AHCTF1: variants seen among roughly 807,000 people sequenced by gnomAD.
AHCTF1 encodes AT-hook containing transcription factor 1, also known as protein ELYS.
A neutral mutation model predicts 248.4 loss-of-function variants in AHCTF1; 24 were observed. That is an observed-to-expected ratio of 0.10 (90% CI 0.07 to 0.14). The LOEUF (loss-of-function observed/expected upper bound fraction) is 0.14. Among genes scored for constraint, AHCTF1 ranks in the 10% least tolerant of loss-of-function variants. The pLI, the probability that AHCTF1 is intolerant of heterozygous loss-of-function variation, is 1.00. For synonymous variants in AHCTF1, 786 were observed against 929.8 expected, an observed-to-expected ratio of 0.85 and a Z score of 2.81; for missense variants, 2,206 against 2,636.2, an observed-to-expected ratio of 0.84 and a Z score of 3.57.
rs1663966138 is a variant in AHCTF1, at chr1:246,888,216, G to A, written c.2286C>T (p.Tyr762=). ...CTGCTTCAGTAACGCCGTCTAATAGGTACATATCAAGTACTGCCTATAAAA... is the reference window on the plus strand; with the variant it reads ...CTGCTTCAGTAACGCCGTCTAATAGATACATATCAAGTACTGCCTATAAAA... ...PASLHAVLDM[Y]LLDGVTEAAK... The change falls in exon 19 of 36, where the codon TAC becomes TAT. Residue 762 remains tyrosine (Y), a synonymous_variant. Transcript: ENST00000648844. 6.2e-7 allele frequency: 1 copy of A among 1,613,892 alleles called. No individual in the cohort carries two copies. Among genetic ancestry groups the A allele is most frequent in the Non-Finnish European group, 8.5e-7 (1 of 1,179,960 alleles).
At chr1:246,926,445 C>A (rs906847759) in intron 1 of AHCTF1, among the ~76,000 whole-genome samples, 3 of 151,986 alleles carry the variant, frequency 2.0e-5, no homozygotes, top group African/African-American at 7.2e-5. Flanking sequence ...CAAAGGAGTT[C>A]AAAAAAATGT....
chr1:246,909,508 G>A (rs1665651164), intron 4 of AHCTF1, among the ~76,000 whole-genome samples: 1 of 151,168 alleles, frequency 6.6e-6, no homozygotes, highest in African/African-American at 2.4e-5. Context: ...TATCCACACT[G>A]TATAAGCCAC....
chr1:246,924,678 C>T (rs1248212848), intron 1 of AHCTF1, among the ~76,000 whole-genome samples: 2 of 152,112 alleles, frequency 1.3e-5, no homozygotes, highest in African/African-American at 4.8e-5. Context: ...TATGAGTTAT[C>T]ATTTTCTGTT....
intron 24 of AHCTF1, among the ~76,000 whole-genome samples, chr1:246,870,556 T>C (rs144969316): frequency 5.8e-4 from 89 of 152,214 alleles, no homozygotes; most frequent in African/African-American, 2.0e-3. Flanking sequence ...AGTGTTGAAA[T>C]GATAAAGTGT....
intron 26 of AHCTF1, among the ~76,000 whole-genome samples, chr1:246,866,386 A>G (rs995380984): frequency 4.6e-5 from 7 of 152,196 alleles, no homozygotes; most frequent in African/African-American, 7.2e-5. Flanking sequence ...TTCATTTAAA[A>G]TATCTTCTTT....
At chr1:246,868,127 A>C (rs112496509) in intron 24 of AHCTF1, among the ~76,000 whole-genome samples, 146 of 142,940 alleles carry the variant, frequency 1.0e-3, no homozygotes, top group African/African-American at 3.9e-3. Context: ...AAGCCCGGCT[A>C]ATTTTTTTTT....
chr1:246,864,313 C>A (rs1035293391), intron 26 of AHCTF1, 197 bp from the exon 27 acceptor site: 40 of 517,174 alleles, frequency 7.7e-5, no homozygotes, highest in Admixed American at 1.5e-4. Flanking sequence ...GAATTAAGAA[C>A]TGCACATAGC....
At chr1:246,852,886 C>G (rs2103047359) in intron 32 of AHCTF1, among the ~76,000 whole-genome samples, 1 of 152,258 alleles carries the variant, frequency 6.6e-6, no homozygotes, top group South Asian at 2.1e-4. Context: ...CCACAGCACC[C>G]ACCTCCAAGG....
intron 24 of AHCTF1, among the ~76,000 whole-genome samples, chr1:246,869,125 G>A (rs571954819): frequency 5.9e-5 from 9 of 151,938 alleles, no homozygotes; most frequent in East Asian, 3.9e-4. Flanking sequence ...TTACAGGCGT[G>A]AGCCACCACG....
intron 32 of AHCTF1, 21 bp from the exon 33 acceptor site, chr1:246,851,463 A>C: frequency 6.4e-7 from 1 of 1,570,222 alleles, no homozygotes; most frequent in Non-Finnish European, 8.6e-7. Context: ...TAAAGATAAG[A>C]GACTGGTTAA....
intron 1 of AHCTF1, among the ~76,000 whole-genome samples, chr1:246,919,982 T>C (rs1332054557): frequency 6.7e-6 from 1 of 149,664 alleles, no homozygotes; most frequent in Non-Finnish European, 1.5e-5. Context: ...CTACTAAAAA[T>C]ACAAAAATAA....
At chr1:246,879,129 A>G (rs1344523274) in intron 21 of AHCTF1, among the ~76,000 whole-genome samples, 1 of 152,210 alleles carries the variant, frequency 6.6e-6, no homozygotes, top group Non-Finnish European at 1.5e-5. Flanking sequence ...AGTAAGAAAA[A>G]TCCCAACAAC....
At chr1:246,900,042 G>A in intron 10 of AHCTF1, 23 bp downstream of exon 10, 1 of 1,580,440 alleles carries the variant, frequency 6.3e-7, no homozygotes, top group Non-Finnish European at 8.6e-7. Context: ...TTTCTTAAGA[G>A]GTAATGTTAA....
intron 6 of AHCTF1, 148 bp downstream of exon 6, chr1:246,905,393 G>A: frequency 3.4e-6 from 2 of 586,608 alleles, no homozygotes; most frequent in South Asian, 4.0e-5. Context: ...AGCTACTCGG[G>A]AGGCTGAGCG....
chr1:246,876,086 A>G lies in AHCTF1; in HGVS notation c.3039T>C (p.Ile1013=), dbSNP rs551250064. The G allele has an allele frequency of 6.2e-7, 1 of 1,609,382 alleles. No homozygotes were observed. The highest frequency in any genetic ancestry group is 1.3e-5 in the African/African-American group (1 of 74,940). ...ACAGATGATAAGGCTTAGCTCGTTC[A>G]ATGGCTAATTTTCGATGGACTCTAG... The part of the protein sequence containing the change: ...ILPRVHRKLA[I]ERAKPYHLST... Residue 1013 remains isoleucine, a synonymous_variant, in exon 24 of 36, where the codon ATT becomes ATC. Coordinates refer to ENST00000648844, the MANE Select transcript of AHCTF1 (RefSeq NM_001323342.2).
At chr1:246,907,009 G>A (rs752649856) in intron 5 of AHCTF1, among the ~76,000 whole-genome samples, 7 of 152,206 alleles carry the variant, frequency 4.6e-5, no homozygotes, top group African/African-American at 4.8e-5. Flanking sequence ...AGAAATGCTC[G>A]TCAGGGATTC....
rs751161621 is a variant in AHCTF1 at position 246,851,130 on chromosome 1, G to A, written c.4876C>T (p.Leu1626Phe). Reference protein sequence around the residue: ...KAANTATEEKLVCSGENDNHG... With the variant: ...KAANTATEEKFVCSGENDNHG... ...TTATCATTTTCCCCACTGCATACAAGTTTTTCTTCAGTTGCTGTGTTAGCT... is the reference window on the plus strand; with the variant it reads ...TTATCATTTTCCCCACTGCATACAAATTTTTCTTCAGTTGCTGTGTTAGCT... Residue 1626 changes from leucine to phenylalanine, a missense_variant, in exon 33 of 36, where the codon CTT (leucine) becomes TTT (phenylalanine). Leu to Phe is a conservative substitution (Grantham distance 22). Around this residue, in one of 6 missense-constraint regions of AHCTF1, gnomAD observed 955 missense variants for 1,055.6 expected, o/e 0.90. Coordinates refer to ENST00000648844, the MANE Select transcript of AHCTF1 (RefSeq NM_001323342.2). The A allele has an allele frequency of 1.1e-5, 17 of 1,613,856 alleles. No individual in the cohort carries two copies. The highest frequency in any genetic ancestry group is 1.7e-5 in the Admixed American group (1 of 60,002).
chr1:246,851,875 C>T (rs1660742336), intron 32 of AHCTF1: 1 of 161,852 alleles, frequency 6.2e-6, no homozygotes, highest in Non-Finnish European at 1.4e-5. Context: ...ATAGCACGAT[C>T]CCCGTAAGGT....
At chr1:246,913,108 T>TA in intron 4 of AHCTF1, 124 bp downstream of exon 4, 3 of 759,158 alleles carry the variant, frequency 4.0e-6, no homozygotes, top group East Asian at 3.0e-5. Flanking sequence ...TTTTTTTTTT[T>TA]TATAGATAGG....
Sources: gnomAD v4.1 joint callset for allele counts (sites outside exome capture counted in the v4.1 genomes callset) on GRCh38, gnomAD v4.1.1 for gene constraint, gnomAD v4.1.1 regional missense constraint, MANE v1.5 for transcripts, NCBI Gene and HGNC (gene_info 2026-07-23, HGNC 2026-07-21) for gene names.